Variants in VAMP2 observed in about 807,000 individuals in gnomAD.
The protein encoded by VAMP2 is vesicle associated membrane protein 2.
For missense variants in VAMP2, 95 were observed against 151.3 expected (o/e 0.63, Z 1.95); for synonymous variants, 67 against 57.3 (o/e 1.17, Z -0.76).
chr17:8,160,388 T>TTTTG lies in VAMP2; in HGVS notation c.*466_*467insCAAA, dbSNP rs1983265610. 1.6e-5 allele frequency: 2 copies of TTTTG among 126,860 alleles called. No homozygotes were observed. Among genetic ancestry groups the TTTTG allele is most frequent in the Admixed American group, 8.3e-5 (1 of 12,014 alleles). The allele number at this position is 126,860 out of a possible 1,614,324, so 7.9% of individuals were successfully genotyped here. ...CCTGGACAGGTGCTGTTGTTTTTTT[T>TTTTG]TTTTTTTTTTTTTTTTTGAGGGCGG... On this transcript the variant is annotated 3_prime_UTR_variant, in exon 5 of 5. Coordinates refer to ENST00000316509, the MANE Select transcript of VAMP2 (RefSeq NM_014232.3).
chr17:8,162,901 A>T lies in VAMP2; in HGVS notation c.-22T>A. On this transcript the variant is annotated 5_prime_UTR_variant, in exon 1 of 5. Coordinates refer to ENST00000316509, the MANE Select transcript of VAMP2 (RefSeq NM_014232.3). ...ACATGGCGGGGGCAGCGGGTGGAGG[A>T]CTTGGCAGCGGCAGTGATGGCGGCG... The T allele has an allele frequency of 8.3e-7, 1 of 1,210,444 alleles. No homozygotes were observed. The highest frequency in any genetic ancestry group is 4.4e-5 in the Admixed American group (1 of 22,906). 75.0% of individuals were successfully genotyped at this position (1,210,444 alleles called of 1,614,324 possible).
In VAMP2 at chr17:8,161,516, G is replaced by A. The variant is rs1372010594; in HGVS notation, c.291C>T (p.Ile97=). 1 of 1,614,024 alleles carries A rather than the reference G, an allele frequency of 6.2e-7. No homozygotes were observed. The highest frequency in any genetic ancestry group is 8.5e-7 in the Non-Finnish European group (1 of 1,180,018). The change falls in exon 4 of 5, where the codon ATC becomes ATT. Residue 97 remains isoleucine (I), a synonymous_variant. Coordinates refer to ENST00000316509, the MANE Select transcript of VAMP2 (RefSeq NM_014232.3). ...KYWWKNLKMM[I]ILGVICAIIL... The stretch of plus-strand genomic sequence containing the variant: ...TGATGGCGCAAATCACTCCCAAGAT[G>A]ATCATCATCTGGGGGTGAGAGGCGA...
rs557893392 is a variant in VAMP2, at chr17:8,162,496, G to A, written c.3-127C>T. 20 of 1,547,290 alleles carry A rather than the reference G, an allele frequency of 1.3e-5. No homozygotes were observed. The South Asian group carries it at 2.1e-4, about 17-fold the overall frequency. On this transcript the variant is annotated intron_variant, in intron 1 of 4. Transcript: ENST00000316509. ...CTTTTCGGGAGGAAGGCCACCCGATGTAAGCCCTGGTCTCGGTCCAGCCCT... is the reference window on the plus strand; with the variant it reads ...CTTTTCGGGAGGAAGGCCACCCGATATAAGCCCTGGTCTCGGTCCAGCCCT...
rs966816441 is a variant in VAMP2 at position 8,160,770 on chromosome 17, G to C, written c.*85C>G. ...CACACACGGATCCAGGGGAGTGGGG[G>C]CTGAAAGATATGGCTGAGAGGTGGA... On this transcript the variant is annotated 3_prime_UTR_variant, in exon 5 of 5. Transcript: ENST00000316509. 1.3e-6 allele frequency: 2 copies of C among 1,501,104 alleles called. No homozygotes were observed. The highest frequency in any genetic ancestry group is 1.8e-6 in the Non-Finnish European group (2 of 1,100,284). The allele number at this position is 1,501,104 out of a possible 1,614,324, so 93.0% of individuals were successfully genotyped here.
chr17:8,161,155 A>G, intron 4 of VAMP2: 1 of 557,684 alleles, frequency 1.8e-6, no homozygotes, highest in South Asian at 2.3e-5. Flanking sequence ...CTTCCTGGTC[A>G]TGTCTCAAGC....
At chr17:8,162,668 A>G in intron 1 of VAMP2, 1 of 1,374,724 alleles carries the variant, frequency 7.3e-7, no homozygotes, top group Middle Eastern at 2.7e-4. Flanking sequence ...GGGCAGGAGG[A>G]CACTGGGTCC....
At position 8,159,456 on chromosome 17, in the gene VAMP2, T is replaced by G. The variant is rs756580866; in HGVS notation, c.*1399A>C. 1.3e-5 allele frequency: 2 copies of G among 152,556 alleles called. No individual in the cohort carries two copies. The highest frequency in any genetic ancestry group is 2.9e-5 in the Non-Finnish European group (2 of 68,028). The allele number at this position is 152,556 out of a possible 1,614,324, so 9.5% of individuals were successfully genotyped here. On this transcript the variant is annotated 3_prime_UTR_variant, in exon 5 of 5. Transcript: ENST00000316509. ...GCCATTTAAAAAGACAATAGACCCT[T>G]CCTCAATCAGTTCACCCAATGAGAG... is the stretch of plus-strand genomic sequence containing the variant.
At chr17:8,162,000 C>T (rs1444725363) in intron 2 of VAMP2, among the ~76,000 whole-genome samples, 1 of 152,188 alleles carries the variant, frequency 6.6e-6, no homozygotes, top group African/African-American at 2.4e-5. Context: ...CTCTATGGAA[C>T]CTCAGGCGCT....
chr17:8,162,347 G>A lies in VAMP2; in HGVS notation c.25C>T (p.Pro9Ser), dbSNP rs777865222. Reference sequence around the variant, plus strand: ...CCCTCCCCAGCCGGGGCAGCAGGGGGGGCCGTGGCAGCGGTAGCAGACCTG... The same window carrying A: ...CCCTCCCCAGCCGGGGCAGCAGGGGAGGCCGTGGCAGCGGTAGCAGACCTG... Reference protein sequence around the residue: MSATAATAPPAAPAGEGGP... With the variant: MSATAATASPAAPAGEGGP... The change falls in exon 2 of 5, where the codon CCC becomes TCC. Residue 9 changes from proline to serine, a missense_variant. Pro to Ser is a moderately conservative substitution (Grantham distance 74, BLOSUM62 -1). Transcript: ENST00000316509. The A allele has an allele frequency of 5.0e-5, 81 of 1,607,080 alleles. No individual in the cohort carries two copies. In the South Asian group the frequency reaches 8.7e-4, roughly 17 times the overall value.
At chr17:8,160,914 G>A (rs565494955) in intron 4 of VAMP2, 43 bp from the exon 5 acceptor site, 4 of 1,508,734 alleles carry the variant, frequency 2.7e-6, no homozygotes, top group Admixed American at 3.4e-5. Context: ...GGAGAGGGGA[G>A]AGAAAGAGAG....
intron 4 of VAMP2, 46 bp downstream of exon 4, chr17:8,161,427 G>A (rs1983308163): frequency 6.2e-7 from 1 of 1,610,612 alleles, no homozygotes; most frequent in Admixed American, 1.7e-5. Flanking sequence ...ATCCACTGGG[G>A]AAACCTCTCC....
intron 2 of VAMP2, among the ~76,000 whole-genome samples, 164 bp from the exon 3 acceptor site, chr17:8,161,930 G>T (rs1249371219): frequency 2.0e-5 from 3 of 152,140 alleles, no homozygotes; most frequent in African/African-American, 7.2e-5. Context: ...CTGGGGACAT[G>T]CAAGGAGCAC....
At chr17:8,162,818 T>C (rs1008507617) in intron 1 of VAMP2, 60 bp downstream of exon 1, 15 of 1,214,482 alleles carry the variant, frequency 1.2e-5, no homozygotes, top group Non-Finnish European at 1.5e-5. Flanking sequence ...CGACGGCCGG[T>C]TGCCAAGGGC....
At position 8,160,719 on chromosome 17, in the gene VAMP2, C is replaced by A. The variant is rs933467244; in HGVS notation, c.*136G>T. ...TGTATAAATAACAGCTGGCTATTTA[C>A]AGGGGGACACACACACGGACACACA... On this transcript the variant is annotated 3_prime_UTR_variant, in exon 5 of 5. Transcript: ENST00000316509. 1.5e-6 allele frequency: 1 copy of A among 660,152 alleles called. No individual in the cohort carries two copies. The highest frequency in any genetic ancestry group is 2.4e-6 in the Non-Finnish European group (1 of 416,610). 40.9% of individuals were successfully genotyped at this position (660,152 alleles called of 1,614,324 possible). A position where few individuals can be genotyped will look rare whatever the true frequency, so the allele number is the denominator to read the frequency against.
At chr17:8,162,733 G>A in intron 1 of VAMP2, 145 bp downstream of exon 1, 1 of 1,282,696 alleles carries the variant, frequency 7.8e-7, no homozygotes, top group Non-Finnish European at 9.8e-7. Flanking sequence ...GGGGCTCCTC[G>A]GCCGCCCGCG....
chr17:8,160,974 C>A, intron 4 of VAMP2, 103 bp from the exon 5 acceptor site: 1 of 1,030,554 alleles, frequency 9.7e-7, no homozygotes. Flanking sequence ...ATCCTCCCCA[C>A]TCCCCAGCTG....
Position 8,160,385 on chromosome 17 carries a change from T to TTTTTTTTTTTTG in VAMP2, c.*469_*470insCAAAAAAAAAAA, listed in dbSNP as rs1983264446. 8.1e-6 allele frequency: 1 copy of TTTTTTTTTTTTG among 124,138 alleles called. No homozygotes were observed. The highest frequency in any genetic ancestry group is 1.7e-5 in the Non-Finnish European group (1 of 58,470). The allele number at this position is 124,138 out of a possible 1,614,324, so 7.7% of individuals were successfully genotyped here. On this transcript the variant is annotated 3_prime_UTR_variant, in exon 5 of 5. Coordinates refer to ENST00000316509, the MANE Select transcript of VAMP2 (RefSeq NM_014232.3). ...AAGCCTGGACAGGTGCTGTTGTTTT[T>TTTTTTTTTTTTG]TTTTTTTTTTTTTTTTTTTTGAGGG...
intron 2 of VAMP2, 34 bp downstream of exon 2, chr17:8,162,215 C>A (rs1983335562): frequency 2.7e-6 from 4 of 1,505,390 alleles, no homozygotes; most frequent in African/African-American, 1.4e-5. Flanking sequence ...CCCCCAGGGT[C>A]CCTCCTACTG....
At position 8,160,044 on chromosome 17, in the gene VAMP2, C is replaced by G. The variant is rs1983245029; in HGVS notation, c.*811G>C. 1 of 152,198 alleles carries G rather than the reference C, an allele frequency of 6.6e-6. No individual in the cohort carries two copies. Among genetic ancestry groups the G allele is most frequent in the African/African-American group, 2.4e-5 (1 of 41,388 alleles). 9.4% of individuals were successfully genotyped at this position (152,198 alleles called of 1,614,324 possible). On this transcript the variant is annotated 3_prime_UTR_variant, in exon 5 of 5. Transcript: ENST00000316509. ...ATGAGGGTAAGGGAGGCAAACTGGA[C>G]TAGAGGGGCTAGGAGGAGGCAATGC...
Sources: gnomAD v4.1 joint callset for allele counts (sites outside exome capture counted in the v4.1 genomes callset) on GRCh38, gnomAD v4.1.1 for gene constraint, MANE v1.5 for transcripts, NCBI Gene and HGNC (gene_info 2026-07-23, HGNC 2026-07-21) for gene names.